Variants in ARHGAP5 observed in about 807,000 individuals in gnomAD.
ARHGAP5 encodes the protein rho GTPase-activating protein 5.
Under a neutral mutation model 116.6 loss-of-function variants are expected in ARHGAP5, and 23 were observed. That is an observed-to-expected ratio of 0.20 (90% confidence interval 0.14 to 0.28). The LOEUF is 0.28. ARHGAP5 is among the 10% of genes least tolerant of loss of function. The pLI is 1.00. For synonymous variants in ARHGAP5, 574 were observed against 602.0 expected, an observed-to-expected ratio of 0.95 and a Z score of 0.68; for missense variants, 1,405 against 1,774.8, an observed-to-expected ratio of 0.79 and a Z score of 3.74.
intron 3 of ARHGAP5, among the ~76,000 whole-genome samples, chr14:32,140,209 C>T (rs1343369499): frequency 6.7e-6 from 1 of 148,896 alleles, no homozygotes; most frequent in African/African-American, 2.5e-5. Context: ...TGCTGGTGCA[C>T]TGCACCCACT....
At chr14:32,145,074 A>C (rs1881314261) in intron 3 of ARHGAP5, among the ~76,000 whole-genome samples, 1 of 152,216 alleles carries the variant, frequency 6.6e-6, no homozygotes, top group African/African-American at 2.4e-5. Context: ...AAATCTATTT[A>C]AGCAGGCCTC....
chr14:32,142,377 T>G (rs1483866514), intron 3 of ARHGAP5, among the ~76,000 whole-genome samples: 1 of 152,234 alleles, frequency 6.6e-6, no homozygotes, highest in Non-Finnish European at 1.5e-5. Context: ...TGAAATTCTT[T>G]CCCCTCACCA....
At chr14:32,084,539 C>T (rs1001853438) in intron 1 of ARHGAP5, among the ~76,000 whole-genome samples, 1 of 152,204 alleles carries the variant, frequency 6.6e-6, no homozygotes, top group Non-Finnish European at 1.5e-5. Flanking sequence ...GTCATTTATT[C>T]ATGAAATATT....
chr14:32,121,379 G>A (rs1253226735), intron 3 of ARHGAP5, among the ~76,000 whole-genome samples: 1 of 151,664 alleles, frequency 6.6e-6, no homozygotes, highest in Admixed American at 6.6e-5. Flanking sequence ...TTTCTAATGT[G>A]GTATACATCT....
rs767702317 is a variant in ARHGAP5 at position 32,091,050 on chromosome 14, A to T, written c.381A>T (p.Ala127=). The T allele has an allele frequency of 6.2e-7, 1 of 1,613,704 alleles. No homozygotes were observed. The part of the protein sequence containing the change: ...KRAAASKLQS[A]EKLMYICTDQ... ...CAGCTGCATCTAAATTGCAGTCAGC[A>T]GAAAAACTAATGTACATTTGCACTG... The change falls in exon 2 of 7, where the codon GCA becomes GCT. Residue 127 remains alanine, a synonymous_variant. Transcript: ENST00000345122.
At chr14:32,096,361 G>A (rs1469602822) in intron 2 of ARHGAP5, among the ~76,000 whole-genome samples, 1 of 152,130 alleles carries the variant, frequency 6.6e-6, no homozygotes, top group East Asian at 1.9e-4. Flanking sequence ...GTTGTAAAGT[G>A]GTAGAGTTAC....
intron 1 of ARHGAP5, among the ~76,000 whole-genome samples, chr14:32,077,920 C>A (rs1393431213): frequency 6.6e-5 from 10 of 152,116 alleles, no homozygotes; most frequent in Admixed American, 6.5e-4. Context: ...ACTTAAACGC[C>A]TTGTAGGGGG....
intron 2 of ARHGAP5, among the ~76,000 whole-genome samples, chr14:32,105,182 C>G (rs751037835): frequency 9.2e-5 from 14 of 152,132 alleles, no homozygotes; most frequent in Non-Finnish European, 1.9e-4. Flanking sequence ...TGTATCTGTT[C>G]AATAAGAAAG....
intron 2 of ARHGAP5, among the ~76,000 whole-genome samples, chr14:32,106,159 T>C (rs925692522): frequency 3.9e-5 from 6 of 152,208 alleles, no homozygotes; most frequent in Non-Finnish European, 5.9e-5. Flanking sequence ...TCTCACTTTG[T>C]TGCCCAGGCT....
At chr14:32,083,286 A>G (rs1179474210) in intron 1 of ARHGAP5, among the ~76,000 whole-genome samples, 1 of 152,256 alleles carries the variant, frequency 6.6e-6, no homozygotes, top group Non-Finnish European at 1.5e-5. Context: ...ATATTTTGTG[A>G]TATGTGAAAA....
At chr14:32,101,652 C>CA (rs779208798) in intron 2 of ARHGAP5, among the ~76,000 whole-genome samples, 4,646 of 97,446 alleles carry the variant, frequency 0.048, 171 homozygotes, top group African/African-American at 0.13. Context: ...TTGTGAAGGC[C>CA]AAAAAAAAAA....
intron 3 of ARHGAP5, among the ~76,000 whole-genome samples, chr14:32,140,081 TTTTAGGTTATTTGTTC>T: frequency 6.8e-6 from 1 of 146,156 alleles, no homozygotes; most frequent in African/African-American, 2.5e-5. Context: ...TTTTTTTTTT[TTTTAGGTTATTTGTTC>T]TTTTTTTTTT....
chr14:32,146,444 G>A, intron 4 of ARHGAP5, 104 bp downstream of exon 4: 1 of 774,282 alleles, frequency 1.3e-6, no homozygotes, highest in South Asian at 1.7e-5. Flanking sequence ...CTAAGGATAT[G>A]GATGTTGAGG....
Position 32,156,583 on chromosome 14 carries a change from A to G in ARHGAP5, c.*1635A>G, listed in dbSNP as rs1336737707. 6.6e-6 allele frequency: 1 copy of G among 152,310 alleles called. No individual in the cohort carries two copies. Among genetic ancestry groups the G allele is most frequent in the Non-Finnish European group, 1.5e-5 (1 of 67,780 alleles). The allele number at this position is 152,310 out of a possible 1,614,324, so 9.4% of individuals were successfully genotyped here. On this transcript the variant is annotated 3_prime_UTR_variant, in exon 7 of 7. Transcript: ENST00000345122. ...TCTTTTCTAAGAAAACAAAGTCCCT[A>G]TTATTCCTATTGCAAAGCACACAGG...
intron 6 of ARHGAP5, among the ~76,000 whole-genome samples, chr14:32,153,340 G>T (rs1432928635): frequency 1.5e-5 from 2 of 135,158 alleles, no homozygotes; most frequent in Non-Finnish European, 3.1e-5. Context: ...CCGGGAGGCG[G>T]AGGTTGCAAT....
At position 32,120,177 on chromosome 14, in the gene ARHGAP5, T is replaced by G. The variant is rs578204499; in HGVS notation, c.3865+2890T>G. Among the ~76,000 whole-genome samples, 7 of 152,102 alleles carry G rather than the reference T, an allele frequency of 4.6e-5. No individual in the cohort carries two copies. In the South Asian group the frequency reaches 8.3e-4, roughly 18 times the overall value. ...TTCTTCTGGAGTAAGCATTGGTTGTTTGTGTGTTTTGAGGAATTCATTCAT... is the reference window on the plus strand; with the variant it reads ...TTCTTCTGGAGTAAGCATTGGTTGTGTGTGTGTTTTGAGGAATTCATTCAT... On this transcript the variant is annotated intron_variant, in intron 3 of 6. Transcript: ENST00000345122.
At chr14:32,087,556 T>C (rs2041842665) in intron 1 of ARHGAP5, among the ~76,000 whole-genome samples, 2 of 129,628 alleles carry the variant, frequency 1.5e-5, no homozygotes, top group South Asian at 5.1e-4. Context: ...AGGAAGGCAC[T>C]CCTCTGGTGA....
chr14:32,102,733 G>A (rs1053451512), intron 2 of ARHGAP5, among the ~76,000 whole-genome samples: 1 of 152,228 alleles, frequency 6.6e-6, no homozygotes, highest in Non-Finnish European at 1.5e-5. Context: ...GTCATAGTGT[G>A]ATCAGTTGAA....
Position 32,159,188 on chromosome 14 carries a change from G to A in ARHGAP5, c.*4240G>A, listed in dbSNP as rs1882014672. 1 of 152,116 alleles carries A rather than the reference G, an allele frequency of 6.6e-6. No individual in the cohort carries two copies. The highest frequency in any genetic ancestry group is 1.5e-5 in the Non-Finnish European group (1 of 67,976). The allele number at this position is 152,116 out of a possible 1,614,324, so 9.4% of individuals were successfully genotyped here. ...CCTTGAAATTAATTTGGTGCTGGCA[G>A]TTCTGGTTTAGTCATTTTTACCAGT... On this transcript the variant is annotated 3_prime_UTR_variant, in exon 7 of 7. Coordinates refer to ENST00000345122, the MANE Select transcript of ARHGAP5 (RefSeq NM_001030055.2).
Sources: gnomAD v4.1 joint callset for allele counts (sites outside exome capture counted in the v4.1 genomes callset) on GRCh38, gnomAD v4.1.1 for gene constraint, MANE v1.5 for transcripts, NCBI Gene and HGNC (gene_info 2026-07-23, HGNC 2026-07-21) for gene names.